Variants in DYM observed in about 807,000 individuals in gnomAD.
The protein encoded by DYM is dyggve-Melchior-Clausen syndrome protein.
DYM carries 78 observed loss-of-function variants against 93.1 expected under a neutral mutation model. The observed-to-expected ratio is 0.84, with a 90% CI of 0.70 to 1.01. The LOEUF is 1.01. Ranked by LOEUF, DYM falls within the 50% of genes least tolerant of loss-of-function variation. The pLI, the probability that DYM is intolerant of heterozygous loss-of-function variation, is 0.00. For synonymous variants in DYM, 321 were observed against 319.7 expected (o/e 1.00, Z -0.04); for missense variants, 789 against 845.0 (o/e 0.93, Z 0.82).
intron 8 of DYM, among the ~76,000 whole-genome samples, chr18:49,303,492 G>A (rs1199580980): frequency 6.6e-6 from 1 of 152,212 alleles, no homozygotes; most frequent in Non-Finnish European, 1.5e-5. Context: ...CCTGGAGTGT[G>A]CTGGAGAGAG....
intron 2 of DYM, among the ~76,000 whole-genome samples, chr18:49,407,320 C>G (rs2071614018): frequency 6.6e-6 from 1 of 152,044 alleles, no homozygotes; most frequent in South Asian, 2.1e-4. Flanking sequence ...TAAATGAATG[C>G]ACGGATAAAT....
intron 6 of DYM, among the ~76,000 whole-genome samples, chr18:49,349,443 T>G (rs2064925204): frequency 6.6e-6 from 1 of 152,150 alleles, no homozygotes; most frequent in Non-Finnish European, 1.5e-5. Flanking sequence ...AAAGCAAATA[T>G]TCCAAAATTG....
intron 2 of DYM, among the ~76,000 whole-genome samples, chr18:49,400,527 A>G (rs923928611): frequency 3.9e-5 from 6 of 151,996 alleles, no homozygotes; most frequent in African/African-American, 1.4e-4. Flanking sequence ...TACATCCCCC[A>G]CTGTGTCTGA....
chr18:49,046,289 C>T (rs1269283963), intron 17 of DYM, among the ~76,000 whole-genome samples: 1 of 138,170 alleles, frequency 7.2e-6, no homozygotes, highest in Non-Finnish European at 1.6e-5. Flanking sequence ...GACAACACAC[C>T]CAGACATGCG....
chr18:49,249,621 G>A (rs1033192910), intron 13 of DYM, among the ~76,000 whole-genome samples: 1 of 152,112 alleles, frequency 6.6e-6, no homozygotes, highest in African/African-American at 2.4e-5. Context: ...GCCCAAAATA[G>A]AGGAGCTGAC....
At chr18:49,399,928 ATTTTTCT>A (rs1326065895) in intron 2 of DYM, among the ~76,000 whole-genome samples, 1 of 94,250 alleles carries the variant, frequency 1.1e-5, no homozygotes, top group Non-Finnish European at 2.2e-5. Context: ...ATTTATTTTT[ATTTTTCT>A]TTTTTTTTTT....
chr18:49,119,689 C>T (rs888813045), intron 15 of DYM, among the ~76,000 whole-genome samples: 10 of 152,132 alleles, frequency 6.6e-5, no homozygotes, highest in Admixed American at 6.5e-4. Context: ...AAGGTTTCTA[C>T]AACTCACTTG....
intron 15 of DYM, among the ~76,000 whole-genome samples, chr18:49,152,233 C>CG (rs1284577556): frequency 2.0e-4 from 30 of 152,080 alleles, no homozygotes; most frequent in Non-Finnish European, 3.1e-4. Context: ...AGGGACAGAA[C>CG]GATCTTCCTC....
At chr18:49,112,008 C>T (rs1293849960) in intron 16 of DYM, among the ~76,000 whole-genome samples, 1 of 152,138 alleles carries the variant, frequency 6.6e-6, no homozygotes, top group South Asian at 2.1e-4. Context: ...GTTTCCTGCC[C>T]TTTACCCAGA....
chr18:49,382,114 G>C (rs2068096166), intron 3 of DYM, among the ~76,000 whole-genome samples: 1 of 152,036 alleles, frequency 6.6e-6, no homozygotes, highest in Non-Finnish European at 1.5e-5. Flanking sequence ...TGTAATTGTT[G>C]AATGTATAAA....
intron 13 of DYM, among the ~76,000 whole-genome samples, chr18:49,255,084 A>G (rs1200921411): frequency 6.6e-6 from 1 of 152,250 alleles, no homozygotes; most frequent in Non-Finnish European, 1.5e-5. Flanking sequence ...TAGTGAGTCA[A>G]TGCAAAATAT....
In DYM at chr18:49,378,399, G is replaced by C. The variant is rs10775493; in HGVS notation, c.421+168C>G. Among the ~76,000 whole-genome samples, 83,157 of 152,010 alleles carry C rather than the reference G, an allele frequency of 0.55. 24,248 individuals carry two copies. Among genetic ancestry groups the C allele is most frequent in the Non-Finnish European group, 0.66 (44,596 of 67,970 alleles). Reference sequence around the variant, plus strand: ...CAAAAACAAAAAACGCTTGAGTCTTGACTCATTTAAATTAACACAGAAAAA... The same window carrying C: ...CAAAAACAAAAAACGCTTGAGTCTTCACTCATTTAAATTAACACAGAAAAA... On this transcript the variant is annotated intron_variant, in intron 5 of 17. Coordinates refer to ENST00000675505, the MANE Select transcript of DYM (RefSeq NM_001353214.3).
At chr18:49,196,435 G>A (rs936041182) in intron 14 of DYM, among the ~76,000 whole-genome samples, 3 of 50,386 alleles carry the variant, frequency 6.0e-5, no homozygotes, top group African/African-American at 1.7e-4. Flanking sequence ...AGGGATCAGT[G>A]GTTACACACA....
At chr18:49,204,557 C>T (rs2092367907) in intron 14 of DYM, among the ~76,000 whole-genome samples, 1 of 152,160 alleles carries the variant, frequency 6.6e-6, no homozygotes, top group Non-Finnish European at 1.5e-5. Flanking sequence ...CACCCTGAAA[C>T]CTAAGAAATT....
intron 8 of DYM, among the ~76,000 whole-genome samples, chr18:49,287,529 A>T (rs1026744907): frequency 1.3e-5 from 2 of 151,904 alleles, no homozygotes; most frequent in African/African-American, 2.4e-5. Context: ...AGAAAAAAAG[A>T]CCAAAAAAAT....
intron 14 of DYM, among the ~76,000 whole-genome samples, chr18:49,170,780 CAAAAAAAAAA>C (rs34297501): frequency 2.1e-3 from 65 of 31,238 alleles, no homozygotes; most frequent in African/African-American, 6.3e-3. Flanking sequence ...GACTCCGTCT[CAAAAAAAAAA>C]AAAAAAAAAA....
chr18:49,391,734 A>T (rs1286286254), intron 2 of DYM, 89 bp from the exon 3 acceptor site: 1 of 1,185,210 alleles, frequency 8.4e-7, no homozygotes, highest in East Asian at 2.6e-5. Context: ...AAAGATAAGA[A>T]AAATAATTTA....
intron 8 of DYM, among the ~76,000 whole-genome samples, chr18:49,291,498 A>G (rs1427522344): frequency 6.6e-6 from 1 of 152,204 alleles, no homozygotes; most frequent in African/African-American, 2.4e-5. Context: ...GGGGGGAAAT[A>G]GTCCCCATCC....
At chr18:49,146,503 G>T (rs1029544694) in intron 15 of DYM, among the ~76,000 whole-genome samples, 1 of 152,116 alleles carries the variant, frequency 6.6e-6, no homozygotes, top group Non-Finnish European at 1.5e-5. Flanking sequence ...AAAGTCTCAG[G>T]TTACAAAATC....
Sources: gnomAD v4.1 joint callset for allele counts (sites outside exome capture counted in the v4.1 genomes callset) on GRCh38, gnomAD v4.1.1 for gene constraint, MANE v1.5 for transcripts, NCBI Gene and HGNC (gene_info 2026-07-23, HGNC 2026-07-21) for gene names.